Variants in CLASP1 observed in about 807,000 individuals in gnomAD.
CLASP1 encodes the protein CLIP-associating protein 1.
CLASP1 carries 38 observed loss-of-function variants against 192.3 expected under a neutral mutation model. The ratio of observed to expected loss-of-function variants is 0.20; its 90% CI spans 0.15 to 0.26. The LOEUF is 0.26. CLASP1 is among the 10% of genes least tolerant of loss of function. The probability of loss-of-function intolerance (pLI) is 1.00; values close to 1 mark genes in which losing one functional copy is unlikely to be tolerated. For missense variants in CLASP1, 1,433 were observed against 1,932.5 expected, an observed-to-expected ratio of 0.74 and a Z score of 4.85; for synonymous variants, 691 against 712.8, an observed-to-expected ratio of 0.97 and a Z score of 0.49.
intron 24 of CLASP1, among the ~76,000 whole-genome samples, chr2:121,408,419 TTA>T (rs1359137558): frequency 6.6e-6 from 1 of 152,246 alleles, no homozygotes; most frequent in Non-Finnish European, 1.5e-5. Context: ...AATACCCACT[TTA>T]TTCACTTCTC....
Position 121,425,315 on chromosome 2 carries a change from G to T in CLASP1, c.2045-9C>A. 1 of 1,609,946 alleles carries T rather than the reference G, an allele frequency of 6.2e-7. No homozygotes were observed. The highest frequency in any genetic ancestry group is 8.5e-7 in the Non-Finnish European group (1 of 1,178,662). ...ACTTGACCGGCTGCCAGCTAAAAGTGAAGCAAAATGACAATGAATAATAGA... is the reference window on the plus strand; with the variant it reads ...ACTTGACCGGCTGCCAGCTAAAAGTTAAGCAAAATGACAATGAATAATAGA... On this transcript the variant is annotated splice_polypyrimidine_tract_variant and intron_variant, in intron 21 of 39. Coordinates refer to ENST00000263710, the Ensembl canonical transcript of CLASP1.
chr2:121,554,454 TAAAAAAAAAAAAAAAAA>T (rs56965310), intron 2 of CLASP1, among the ~76,000 whole-genome samples: 1 of 87,562 alleles, frequency 1.1e-5, no homozygotes, highest in African/African-American at 4.4e-5. Flanking sequence ...CTACAAAAAG[TAAAAAAAAAAAAAAAAA>T]AAAAAAAAAT....
intron 1 of CLASP1, among the ~76,000 whole-genome samples, chr2:121,611,802 T>A (rs1184351401): frequency 2.6e-4 from 10 of 38,480 alleles, no homozygotes; most frequent in Admixed American, 4.9e-4. Context: ...AACTGGAGGA[T>A]GATGAGGAGG....
intron 37 of CLASP1, among the ~76,000 whole-genome samples, chr2:121,354,556 C>T (rs1190426203): frequency 1.3e-5 from 2 of 152,134 alleles, no homozygotes; most frequent in African/African-American, 4.8e-5. Flanking sequence ...TCTAATCTGG[C>T]CTAGCAATGA....
chr2:121,486,036 C>T (rs1337258942), intron 8 of CLASP1, among the ~76,000 whole-genome samples: 1 of 152,194 alleles, frequency 6.6e-6, no homozygotes, highest in Non-Finnish European at 1.5e-5. Context: ...AAGTGAAGTG[C>T]ATTCTAAGTG....
intron 37 of CLASP1, among the ~76,000 whole-genome samples, chr2:121,353,325 A>G (rs1473217177): frequency 6.6e-6 from 1 of 152,172 alleles, no homozygotes; most frequent in East Asian, 1.9e-4. Flanking sequence ...CCGAGACTCC[A>G]CAGAGGCCCA....
At chr2:121,450,269 T>G (rs1175446680) in intron 16 of CLASP1, among the ~76,000 whole-genome samples, 4 of 151,400 alleles carry the variant, frequency 2.6e-5, no homozygotes, top group Non-Finnish European at 5.9e-5. Flanking sequence ...AGGTGGAGCT[T>G]GCAGTGAGCC....
rs147744878 is a variant in CLASP1 at position 121,477,653 on chromosome 2, T to C, written c.713-7693A>G. Among the ~76,000 whole-genome samples the C allele has an allele frequency of 7.2e-4, 110 of 152,374 alleles. No homozygotes were observed. In the East Asian group the frequency reaches 0.013, roughly 18 times the overall value. ...ATATTTTTCTAGATCAATATTAATC[T>C]AGTCAATTTTAAAGACTACTTATTG... On this transcript the variant is annotated intron_variant, in intron 8 of 39. Transcript: ENST00000263710.
At chr2:121,435,360 T>C (rs1559178679) in intron 19 of CLASP1, among the ~76,000 whole-genome samples, 1 of 152,182 alleles carries the variant, frequency 6.6e-6, no homozygotes. Flanking sequence ...CTGCAACCTC[T>C]GTGTCCCGGG....
In CLASP1 at chr2:121,572,358, G is replaced by A. The variant is rs191060903; in HGVS notation, c.195+33343C>T. Among the ~76,000 whole-genome samples the A allele has an allele frequency of 6.8e-4, 103 of 152,328 alleles. No individual in the cohort carries two copies. In the South Asian group the frequency reaches 8.9e-3, roughly 13 times the overall value. On this transcript the variant is annotated intron_variant, in intron 2 of 39. Coordinates refer to ENST00000263710, the Ensembl canonical transcript of CLASP1. ...CAGGAGAATGGCATGAACCCGGGACGCGGAGATTGCAGTGAGCCGAGGTTG... is the reference window on the plus strand; with the variant it reads ...CAGGAGAATGGCATGAACCCGGGACACGGAGATTGCAGTGAGCCGAGGTTG...
intron 2 of CLASP1, among the ~76,000 whole-genome samples, chr2:121,581,496 G>A (rs899280413): frequency 2.6e-5 from 4 of 151,648 alleles, no homozygotes; most frequent in Admixed American, 2.0e-4. Flanking sequence ...GGATGGTCTC[G>A]ATCTCCTGAC....
chr2:121,451,928 C>T (rs1423584932), intron 14 of CLASP1, 79 bp from the exon 15 acceptor site: 17 of 911,654 alleles, frequency 1.9e-5, no homozygotes, highest in Non-Finnish European at 2.3e-5. Flanking sequence ...TTAAGTGACC[C>T]AATACTATTT....
At chr2:121,370,211 G>A (rs1255296334) in intron 34 of CLASP1, among the ~76,000 whole-genome samples, 1 of 152,170 alleles carries the variant, frequency 6.6e-6, no homozygotes, top group Non-Finnish European at 1.5e-5. Flanking sequence ...GAGATGTACT[G>A]GCTCCCGAGT....
chr2:121,382,487 G>T (rs768753704), intron 32 of CLASP1, among the ~76,000 whole-genome samples, 163 bp from the exon 34 acceptor site: 3 of 152,132 alleles, frequency 2.0e-5, no homozygotes, highest in African/African-American at 7.2e-5. Flanking sequence ...ACAGAGAAAA[G>T]AACAAATTTT....
intron 2 of CLASP1, among the ~76,000 whole-genome samples, chr2:121,564,602 A>C (rs968997378): frequency 3.3e-5 from 5 of 152,192 alleles, no homozygotes; most frequent in African/African-American, 1.2e-4. Flanking sequence ...AGAATTAGGA[A>C]TCCAAGTCCA....
intron 2 of CLASP1, among the ~76,000 whole-genome samples, chr2:121,533,891 A>G (rs1575757990): frequency 6.6e-6 from 1 of 152,358 alleles, no homozygotes; most frequent in Non-Finnish European, 1.5e-5. Flanking sequence ...ATGAGACTGG[A>G]ATAGATGAGT....
At chr2:121,595,213 T>C (rs545806729) in intron 2 of CLASP1, among the ~76,000 whole-genome samples, 2 of 152,192 alleles carry the variant, frequency 1.3e-5, no homozygotes, top group Non-Finnish European at 2.9e-5. Context: ...CCGACTAACA[T>C]CCTGCCTCTG....
intron 2 of CLASP1, among the ~76,000 whole-genome samples, chr2:121,588,072 G>T (rs1333751771): frequency 2.0e-5 from 3 of 150,408 alleles, no homozygotes; most frequent in East Asian, 2.0e-4. Context: ...TACTCAGGAG[G>T]TTGAGGCAGG....
chr2:121,424,063 C>T (rs573664979), intron 22 of CLASP1, among the ~76,000 whole-genome samples: 1 of 152,274 alleles, frequency 6.6e-6, no homozygotes, highest in South Asian at 2.1e-4. Context: ...TCTCCCCACC[C>T]GGACCAATCC....
Sources: allele counts gnomAD v4.1 joint callset (sites outside exome capture counted in the v4.1 genomes callset), GRCh38; gene constraint gnomAD v4.1.1; transcripts MANE v1.5; gene names NCBI Gene and HGNC (gene_info 2026-07-23, HGNC 2026-07-21).